The following RSBN1 variants were observed in gnomAD, a reference collection of about 807,000 sequenced individuals.
RSBN1 encodes round spermatid basic protein 1.
A neutral mutation model predicts 74.8 loss-of-function variants in RSBN1; 23 were observed. The ratio of observed to expected loss-of-function variants is 0.31; its 90% CI spans 0.22 to 0.44. The LOEUF is 0.44. Among genes scored for constraint, RSBN1 ranks in the 20% least tolerant of loss-of-function variants. The probability of loss-of-function intolerance (pLI) is 1.00; values close to 1 mark genes in which losing one functional copy is unlikely to be tolerated. For synonymous variants in RSBN1, 407 were observed against 379.6 expected (o/e 1.07, Z -0.84); for missense variants, 808 against 1,020.9 (o/e 0.79, Z 2.84).
chr1:113,768,458 T>G, intron 4 of RSBN1, 69 bp from the exon 5 acceptor site: 4 of 1,280,238 alleles, frequency 3.1e-6, no homozygotes, highest in Non-Finnish European at 3.2e-6. Flanking sequence ...AATTAATTAA[T>G]AGCAGTAAGG....
intron 2 of RSBN1, among the ~76,000 whole-genome samples, chr1:113,794,839 T>C (rs906473937): frequency 6.6e-6 from 1 of 152,202 alleles, no homozygotes; most frequent in Non-Finnish European, 1.5e-5. Context: ...AAGAACACAG[T>C]GCCCAGTACA....
In RSBN1 at chr1:113,812,036, G is replaced by A. The variant is rs1204801662; in HGVS notation, c.377C>T (p.Pro126Leu). The change falls in exon 1 of 7, where the codon CCG (proline) becomes CTG (leucine). Residue 126 changes from proline (P) to leucine (L), a missense_variant. Around this residue, in one of 6 missense-constraint regions of RSBN1, gnomAD observed 464 missense variants for 401.0 expected, o/e 1.16. Coordinates refer to ENST00000261441, the MANE Select transcript of RSBN1 (RefSeq NM_018364.5). ...RRSRQHPGPL[P>L]PTNAAPTVPG... ...GACAGTTGGGGCTGCATTCGTTGGC[G>A]GCAGCGGCCCAGGATGTTGGCGGCT... 6.5e-7 allele frequency: 1 copy of A among 1,530,882 alleles called. No homozygotes were observed. Among genetic ancestry groups the A allele is most frequent in the Non-Finnish European group, 8.8e-7 (1 of 1,139,980 alleles). The allele number at this position is 1,530,882 out of a possible 1,614,324, so 94.8% of individuals were successfully genotyped here.
At chr1:113,798,098 A>G (rs1645925407) in intron 1 of RSBN1, 62 bp from the exon 2 acceptor site, 1 of 1,421,956 alleles carries the variant, frequency 7.0e-7, no homozygotes, top group African/African-American at 1.4e-5. Flanking sequence ...CAAGCTTCTT[A>G]AGGTACTTGA....
At chr1:113,782,704 AT>A (rs776256957) in intron 2 of RSBN1, among the ~76,000 whole-genome samples, 2 of 152,142 alleles carry the variant, frequency 1.3e-5, no homozygotes, top group African/African-American at 2.4e-5. Context: ...TCTATTTTTA[AT>A]TTTTTAAGGA....
chr1:113,797,087 G>A (rs1435892438), intron 2 of RSBN1, among the ~76,000 whole-genome samples: 1 of 152,104 alleles, frequency 6.6e-6, no homozygotes, highest in South Asian at 2.1e-4. Flanking sequence ...AACATTACCC[G>A]ATTTGTGAAA....
At chr1:113,801,416 C>T (rs1489094238) in intron 1 of RSBN1, among the ~76,000 whole-genome samples, 2 of 152,092 alleles carry the variant, frequency 1.3e-5, no homozygotes, top group East Asian at 1.9e-4. Flanking sequence ...ATTGAATTAC[C>T]GTGGTGGCAA....
chr1:113,772,366 T>C (rs1659900666), intron 4 of RSBN1, among the ~76,000 whole-genome samples: 1 of 151,946 alleles, frequency 6.6e-6, no homozygotes, highest in South Asian at 2.1e-4. Flanking sequence ...TATGCAACTA[T>C]TATATACACA....
intron 1 of RSBN1, among the ~76,000 whole-genome samples, chr1:113,800,564 A>G (rs2101821790): frequency 6.6e-6 from 1 of 152,316 alleles, no homozygotes; most frequent in Middle Eastern, 3.4e-3. Context: ...GCAATTTCAC[A>G]GGAAAACAAG....
chr1:113,775,395 G>A (rs1329758899), intron 4 of RSBN1, among the ~76,000 whole-genome samples: 1 of 151,202 alleles, frequency 6.6e-6, no homozygotes, highest in African/African-American at 2.4e-5. Context: ...AGGCTGGAGT[G>A]CAGAAGCACC....
chr1:113,765,627 A>T lies in RSBN1; in HGVS notation c.*353T>A, dbSNP rs1659763128. 1 of 191,284 alleles carries T rather than the reference A, an allele frequency of 5.2e-6. No individual in the cohort carries two copies. The highest frequency in any genetic ancestry group is 1.1e-5 in the Non-Finnish European group (1 of 90,710). 11.8% of individuals were successfully genotyped at this position (191,284 alleles called of 1,614,324 possible). On this transcript the variant is annotated 3_prime_UTR_variant, in exon 7 of 7. Transcript: ENST00000261441. ...ATCCATAAAAACAGCAAATATGGCA[A>T]GAGACAAGGCAAGATAAAATTAAGG...
chr1:113,774,393 G>T (rs1056067784), intron 4 of RSBN1, among the ~76,000 whole-genome samples: 7 of 151,926 alleles, frequency 4.6e-5, no homozygotes, highest in African/African-American at 1.5e-4. Context: ...AAAAACAACA[G>T]GCCAGGCACG....
chr1:113,764,250 T>C lies in RSBN1; in HGVS notation c.*1730A>G, dbSNP rs1165877256. ...ACATTACCTTTCATACCATTCTAAT[T>C]ACCTTATTTACAAAGATAACTAAAG... On this transcript the variant is annotated 3_prime_UTR_variant, in exon 7 of 7. Coordinates refer to ENST00000261441, the MANE Select transcript of RSBN1 (RefSeq NM_018364.5). The C allele has an allele frequency of 1.3e-5, 2 of 152,766 alleles. No homozygotes were observed. The highest frequency in any genetic ancestry group is 2.9e-5 in the Non-Finnish European group (2 of 68,034). 9.5% of individuals were successfully genotyped at this position (152,766 alleles called of 1,614,324 possible).
At chr1:113,798,548 G>A (rs756496737) in intron 1 of RSBN1, among the ~76,000 whole-genome samples, 1 of 152,158 alleles carries the variant, frequency 6.6e-6, no homozygotes, top group Non-Finnish European at 1.5e-5. Context: ...AGTTGGCAAA[G>A]TCTGCGGTTT....
intron 1 of RSBN1, among the ~76,000 whole-genome samples, chr1:113,806,661 A>G (rs977001563): frequency 1.3e-5 from 2 of 151,706 alleles, no homozygotes; most frequent in Non-Finnish European, 2.9e-5. Flanking sequence ...AGTAAATTGG[A>G]TATCAACAAA....
chr1:113,784,905 T>C (rs539669252), intron 2 of RSBN1, among the ~76,000 whole-genome samples: 2 of 152,330 alleles, frequency 1.3e-5, no homozygotes, highest in African/African-American at 4.8e-5. Flanking sequence ...TGTACACTAC[T>C]GTAGACTTTA....
At chr1:113,788,770 C>A (rs1324037209) in intron 2 of RSBN1, among the ~76,000 whole-genome samples, 3 of 152,108 alleles carry the variant, frequency 2.0e-5, no homozygotes. Flanking sequence ...CAAATAGAAA[C>A]CCCAGGATAC....
intron 4 of RSBN1, among the ~76,000 whole-genome samples, chr1:113,774,379 T>TA (rs974170310): frequency 3.3e-5 from 5 of 150,632 alleles, no homozygotes; most frequent in South Asian, 2.1e-4. Flanking sequence ...TAATTAAAAT[T>TA]AAAAAAAACA....
intron 2 of RSBN1, among the ~76,000 whole-genome samples, chr1:113,785,886 T>C (rs981303517): frequency 2.0e-5 from 3 of 152,188 alleles, no homozygotes; most frequent in Non-Finnish European, 4.4e-5. Flanking sequence ...AGCTGGATTA[T>C]GGAGAGCCTA....
intron 4 of RSBN1, among the ~76,000 whole-genome samples, chr1:113,771,927 T>C (rs1659892088): frequency 6.6e-6 from 1 of 151,930 alleles, no homozygotes; most frequent in Non-Finnish European, 1.5e-5. Context: ...AACAAGACTT[T>C]TTTTTAAAAG....
Sources: allele counts gnomAD v4.1 joint callset (sites outside exome capture counted in the v4.1 genomes callset), GRCh38; gene constraint gnomAD v4.1.1; regional missense constraint gnomAD v4.1.1; transcripts MANE v1.5; gene names NCBI Gene and HGNC (gene_info 2026-07-23, HGNC 2026-07-21).